The following LOC128125817 variants were observed in gnomAD, a reference collection of about 807,000 sequenced individuals.
At chr1:41,616,333 C>T in the LOC128125817 span, among the ~76,000 whole-genome samples, 1 of 152,308 alleles carries the variant, frequency 6.6e-6, no homozygotes, top group Non-Finnish European at 1.5e-5. Context: ...CTTTGTTCCC[C>T]ACCTGCACAA....
At chr1:41,596,796 G>A in the LOC128125817 span, among the ~76,000 whole-genome samples, 1 of 152,116 alleles carries the variant, frequency 6.6e-6, no homozygotes, top group Non-Finnish European at 1.5e-5. Context: ...ACCCCCAAGG[G>A]CCCTGATCTT....
At chr1:41,624,823 C>A in the LOC128125817 span, among the ~76,000 whole-genome samples, 3 of 152,170 alleles carry the variant, frequency 2.0e-5, no homozygotes, top group Admixed American at 6.5e-5. Flanking sequence ...GGCTTTAAGG[C>A]AAGCTGTTAA....
the LOC128125817 span, among the ~76,000 whole-genome samples, chr1:41,588,883 C>T: frequency 6.6e-6 from 1 of 151,906 alleles, no homozygotes; most frequent in Non-Finnish European, 1.5e-5. Context: ...CATGACAGGT[C>T]TGAAGTGCTT....
chr1:41,616,087 T>A, the LOC128125817 span, among the ~76,000 whole-genome samples: 1 of 152,014 alleles, frequency 6.6e-6, no homozygotes, highest in African/African-American at 2.4e-5. Context: ...TTCTGTCACC[T>A]CTCCCTCCAC....
the LOC128125817 span, among the ~76,000 whole-genome samples, chr1:41,594,501 T>C: frequency 6.6e-6 from 1 of 152,202 alleles, no homozygotes; most frequent in African/African-American, 2.4e-5. Flanking sequence ...GGATTACAGG[T>C]GTGAGCCACC....
At chr1:41,596,625 C>T in the LOC128125817 span, among the ~76,000 whole-genome samples, 1 of 152,176 alleles carries the variant, frequency 6.6e-6, no homozygotes, top group African/African-American at 2.4e-5. Context: ...TATTTAAAAA[C>T]ACTTAACTGA....
chr1:41,590,928 T>C, the LOC128125817 span, among the ~76,000 whole-genome samples: 89 of 152,250 alleles, frequency 5.8e-4, no homozygotes, highest in African/African-American at 2.1e-3. Flanking sequence ...TAACTGATGG[T>C]CCCCTAATCT....
chr1:41,614,074 G>A, the LOC128125817 span, among the ~76,000 whole-genome samples: 1 of 152,216 alleles, frequency 6.6e-6, no homozygotes. Context: ...GAGCCATCAG[G>A]GCAGTGTGGC....
the LOC128125817 span, among the ~76,000 whole-genome samples, chr1:41,599,206 T>C: frequency 1.3e-5 from 2 of 152,170 alleles, no homozygotes; most frequent in Admixed American, 6.5e-5. Flanking sequence ...GATATCCATA[T>C]TAAAAAATGA....
chr1:41,622,913 CA>C, the LOC128125817 span, among the ~76,000 whole-genome samples: 1 of 152,218 alleles, frequency 6.6e-6, no homozygotes, highest in Non-Finnish European at 1.5e-5. Flanking sequence ...GTGCCCTTTA[CA>C]CATATTCATT....
At chr1:41,623,596 T>G in the LOC128125817 span, among the ~76,000 whole-genome samples, 18 of 152,206 alleles carry the variant, frequency 1.2e-4, no homozygotes, top group Non-Finnish European at 2.5e-4. Context: ...CTCTCTTCCT[T>G]GCACCCACTG....
the LOC128125817 span, among the ~76,000 whole-genome samples, chr1:41,621,723 G>T: frequency 1.6e-4 from 24 of 152,218 alleles, no homozygotes; most frequent in African/African-American, 5.8e-4. Flanking sequence ...TCACTACCTT[G>T]CCCATTCTAG....
At chr1:41,626,500 G>A in the LOC128125817 span, among the ~76,000 whole-genome samples, 3 of 152,138 alleles carry the variant, frequency 2.0e-5, no homozygotes, top group East Asian at 1.9e-4. Flanking sequence ...GGCACGAAGC[G>A]GGGGGAGGGG....
At chr1:41,609,624 C>G in the LOC128125817 span, among the ~76,000 whole-genome samples, 7 of 152,250 alleles carry the variant, frequency 4.6e-5, no homozygotes, top group Admixed American at 3.3e-4. Flanking sequence ...TTTTAAGACC[C>G]TTCAGCCTCC....
chr1:41,595,466 G>T, the LOC128125817 span, among the ~76,000 whole-genome samples: 3 of 152,274 alleles, frequency 2.0e-5, no homozygotes, highest in African/African-American at 7.2e-5. Flanking sequence ...GGGACATGCC[G>T]AGAAAGGAGT....
chr1:41,612,904 C>T, the LOC128125817 span, among the ~76,000 whole-genome samples: 1 of 152,192 alleles, frequency 6.6e-6, no homozygotes, highest in African/African-American at 2.4e-5. Context: ...CTCAGAAGAA[C>T]CGATAAACCA....
chr1:41,602,947 TTC>T, the LOC128125817 span, among the ~76,000 whole-genome samples: 3,681 of 152,224 alleles, frequency 0.024, 150 homozygotes, highest in African/African-American at 0.084. Flanking sequence ...ATTTTCTAAT[TTC>T]TTTTTTGATT....
chr1:41,605,082 G>T, the LOC128125817 span, among the ~76,000 whole-genome samples: 2 of 145,356 alleles, frequency 1.4e-5, no homozygotes, highest in African/African-American at 5.0e-5. Flanking sequence ...TCCAGTCTGG[G>T]TGACAGAATG....
At chr1:41,616,328 T>C in the LOC128125817 span, among the ~76,000 whole-genome samples, 1 of 152,196 alleles carries the variant, frequency 6.6e-6, no homozygotes, top group Non-Finnish European at 1.5e-5. Flanking sequence ...AACATCTTTG[T>C]TCCCCACCTG....
Sources: gnomAD v4.1 joint callset for allele counts (sites outside exome capture counted in the v4.1 genomes callset) on GRCh38, gnomAD v4.1.1 for gene constraint, MANE v1.5 for transcripts.